The following SARS2 variants were observed in gnomAD, a reference collection of about 807,000 sequenced individuals.
SARS2 encodes serine--tRNA ligase, mitochondrial.
A neutral mutation model predicts 66.8 loss-of-function variants in SARS2; 52 were observed. That is an observed-to-expected ratio of 0.78 (90% CI 0.62 to 0.98). SARS2 has a LOEUF of 0.98. Ranked by LOEUF, SARS2 falls within the 50% of genes least tolerant of loss-of-function variation. SARS2 has a pLI of 0.00. For synonymous variants in SARS2, 306 were observed against 281.4 expected, an observed-to-expected ratio of 1.09 and a Z score of -0.87; for missense variants, 673 against 706.3, an observed-to-expected ratio of 0.95 and a Z score of 0.53.
intron 1 of SARS2, chr19:38,929,999 C>T (rs1369717934): frequency 6.3e-6 from 1 of 158,986 alleles, no homozygotes; most frequent in African/African-American, 2.4e-5. Context: ...TTCATTCATT[C>T]ATTCATTAAC....
intron 2 of SARS2, among the ~76,000 whole-genome samples, chr19:38,924,131 CA>C (rs56799985): frequency 4.5e-4 from 64 of 142,140 alleles, no homozygotes; most frequent in Admixed American, 4.9e-4. Context: ...GACTCTGTCT[CA>C]AAAAAAAAAA....
Position 38,919,841 on chromosome 19 carries a change from C to T in SARS2, c.680G>A (p.Arg227Gln), listed in dbSNP as rs142751543. 43 of 1,614,096 alleles carry T rather than the reference C, an allele frequency of 2.7e-5. No individual in the cohort carries two copies. The highest frequency in any genetic ancestry group is 2.5e-4 in the African/African-American group (19 of 75,028). ...QKRLSHVSGH[R>Q]SYYLRGAGAL... ...TCCAGCCCCGCGCAGGTAATAGGAC[C>T]GGTGGCCAGACACGTGGGACAGGCG... Residue 227 changes from arginine (R) to glutamine (Q), a missense_variant, in exon 7 of 16, where the codon CGG (arginine) becomes CAG (glutamine). Coordinates refer to ENST00000221431, the MANE Select transcript of SARS2 (RefSeq NM_017827.4).
intron 1 of SARS2, 68 bp downstream of exon 1, chr19:38,930,402 C>A (rs919954462): frequency 2.6e-6 from 4 of 1,521,330 alleles, no homozygotes; most frequent in African/African-American, 1.4e-5. Flanking sequence ...TGCCGGAGGG[C>A]ATCTTGCAAA....
intron 1 of SARS2, among the ~76,000 whole-genome samples, chr19:38,929,306 G>T (rs533345953): frequency 6.6e-6 from 1 of 152,228 alleles, no homozygotes; most frequent in East Asian, 1.9e-4. Flanking sequence ...TGTAATCTCA[G>T]CATTTTGGGA....
In SARS2 at chr19:38,921,695, C is replaced by T. The variant is rs201743350; in HGVS notation, c.394-28G>A. On this transcript the variant is annotated intron_variant, in intron 3 of 15. Transcript: ENST00000221431. The stretch of plus-strand genomic sequence containing the variant: ...GGGGGCAGCACAGGTGGGCTCAGCC[C>T]GGGAGAGGGTCAGGACTCCCTCATC... 5.3e-5 allele frequency: 86 copies of T among 1,613,174 alleles called. No individual in the cohort carries two copies. The East Asian group carries it at 8.5e-4, about 16-fold the overall frequency.
intron 1 of SARS2, among the ~76,000 whole-genome samples, chr19:38,928,509 A>C (rs188452005): frequency 6.7e-5 from 10 of 149,250 alleles, no homozygotes; most frequent in Admixed American, 6.7e-4. Context: ...ACGTGGTAAG[A>C]GCAATAATTG....
intron 8 of SARS2, 21 bp from the exon 9 acceptor site, chr19:38,918,551 A>T (rs747905312): frequency 1.3e-4 from 202 of 1,581,574 alleles, no homozygotes; most frequent in Non-Finnish European, 1.7e-4. Context: ...AGGCCAGGCC[A>T]CAGGGATCAG....
rs17854237 is a variant in SARS2 at position 38,916,040 on chromosome 19, G to T, written c.1344C>A (p.His448Gln). The T allele has an allele frequency of 1.1e-5, 18 of 1,613,446 alleles. No individual in the cohort carries two copies. The Admixed American group carries it at 2.0e-4, about 18-fold the overall frequency. ...CAGGAGGCTGTGCGGGCCTCACCGT[G>T]TGGGCAAACTGCAGCTCCCCAGCCT... The part of the protein sequence containing the change: ...QTEAGELQFA[H>Q]TVNATACAVP... Residue 448 changes from histidine to glutamine, a missense_variant, in exon 14 of 16, where the codon CAC (histidine) becomes CAA (glutamine). His to Gln is a conservative substitution (Grantham distance 24). Transcript: ENST00000221431.
rs1974402570 is a variant in SARS2 at position 38,915,838 on chromosome 19, C to A, written c.1413+3G>T. On this transcript the variant is annotated splice_donor_region_variant and intron_variant, in intron 15 of 15. Transcript: ENST00000221431. Reference sequence around the variant, plus strand: ...TCTCTGGGTGGGCCCCTCAGCCCCTCACCTTCTGCTGGTTACTCTCCAGGA... The same window carrying A: ...TCTCTGGGTGGGCCCCTCAGCCCCTAACCTTCTGCTGGTTACTCTCCAGGA... 6.2e-7 allele frequency: 1 copy of A among 1,613,576 alleles called. No homozygotes were observed.
At chr19:38,919,954 T>A (rs1312189610) in intron 6 of SARS2, 87 bp from the exon 7 acceptor site, 3 of 1,399,928 alleles carry the variant, frequency 2.1e-6, no homozygotes, top group Non-Finnish European at 3.0e-6. Flanking sequence ...GAGGCCCGGC[T>A]GCTGGGTGGG....
In SARS2 at chr19:38,921,977, G is replaced by C. The variant is rs1051179266; in HGVS notation, c.393+261C>G. 1.4e-5 allele frequency: 21 copies of C among 1,551,454 alleles called. No homozygotes were observed. In the Middle Eastern group the frequency reaches 6.7e-4, roughly 49 times the overall value. On this transcript the variant is annotated intron_variant, in intron 3 of 15. Transcript: ENST00000221431. ...CTTTAACTGGAACTATCAGGAAAGC[G>C]TGCTTGACTTTGCCTCCTACTTACA...
intron 7 of SARS2, 106 bp downstream of exon 7, chr19:38,919,656 G>A (rs554501687): frequency 5.9e-6 from 5 of 853,740 alleles, no homozygotes; most frequent in African/African-American, 5.0e-5. Context: ...GAAGCTCTGA[G>A]AGCAGTGACT....
At position 38,930,213 on chromosome 19, in the gene SARS2, G is replaced by A. The variant is rs573408509; in HGVS notation, c.267+257C>T. The A allele has an allele frequency of 2.6e-3, 1,355 of 526,492 alleles. 5 individuals are homozygous for A. Among genetic ancestry groups the A allele is most frequent in the Non-Finnish European group, 3.7e-3 (1,103 of 296,108 alleles). 32.6% of individuals were successfully genotyped at this position (526,492 alleles called of 1,614,324 possible). A position where few individuals can be genotyped will look rare whatever the true frequency, so the allele number is the denominator to read the frequency against. On this transcript the variant is annotated intron_variant, in intron 1 of 15. Coordinates refer to ENST00000221431, the MANE Select transcript of SARS2 (RefSeq NM_017827.4). ...CACATAGCAAGTTCCTAAAGGACAG[G>A]AGGTACCCAGCGAGCAGTATGAAAC...
At chr19:38,923,552 G>C (rs1719463795) in intron 2 of SARS2, among the ~76,000 whole-genome samples, 1 of 151,854 alleles carries the variant, frequency 6.6e-6, no homozygotes, top group Non-Finnish European at 1.5e-5. Context: ...TGTGAAAATG[G>C]GGCCAGGCGT....
intron 2 of SARS2, among the ~76,000 whole-genome samples, chr19:38,925,354 C>T (rs920057113): frequency 6.6e-6 from 1 of 152,102 alleles, no homozygotes; most frequent in Admixed American, 6.6e-5. Context: ...TTCCTCCTTC[C>T]CCACAGAACT....
Position 38,915,617 on chromosome 19 carries a change from C to T in SARS2, c.1546G>A (p.Ala516Thr), listed in dbSNP as rs780741245. ...PRKPGLPGQP[A>T]VS Reference sequence around the variant, plus strand: ...CTGTGGGTGGGTTCTTAGCTTACAGCAGGCTGGCCAGGCAGCCCAGGCTTC... The same window carrying T: ...CTGTGGGTGGGTTCTTAGCTTACAGTAGGCTGGCCAGGCAGCCCAGGCTTC... The change falls in exon 16 of 16, where the codon GCT (alanine) becomes ACT (threonine). Residue 516 changes from alanine to threonine, a missense_variant. Transcript: ENST00000221431. The T allele has an allele frequency of 2.7e-5, 43 of 1,612,328 alleles. No individual in the cohort carries two copies. Among genetic ancestry groups the T allele is most frequent in the Non-Finnish European group, 3.3e-5 (39 of 1,179,792 alleles).
Position 38,930,570 on chromosome 19 carries a change from G to C in SARS2, c.167C>G (p.Pro56Arg). The part of the protein sequence containing the change: ...EYAREGYSAL[P>R]QLDIERFCAC... ...GCAGAACCGCTCTATGTCCAGCTGAGGGAGTGCGCTGTAGCCCTCGCGCGC... is the reference window on the plus strand; with the variant it reads ...GCAGAACCGCTCTATGTCCAGCTGACGGAGTGCGCTGTAGCCCTCGCGCGC... Residue 56 changes from proline (P) to arginine (R), a missense_variant, in exon 1 of 16, where the codon CCT becomes CGT. Transcript: ENST00000221431. The C allele has an allele frequency of 6.2e-7, 1 of 1,613,998 alleles. No individual in the cohort carries two copies. Among genetic ancestry groups the C allele is most frequent in the Non-Finnish European group, 8.5e-7 (1 of 1,180,016 alleles).
chr19:38,921,384 T>C lies in SARS2; in HGVS notation c.589+8A>G. On this transcript the variant is annotated splice_region_variant and intron_variant, in intron 5 of 15. Transcript: ENST00000221431. ...CTTGTCAGCTCCCAGGCCTGGGGTG[T>C]GGCCCACCTGGCTTGTCTCCGACCA... is the stretch of plus-strand genomic sequence containing the variant. 6.2e-7 allele frequency: 1 copy of C among 1,612,910 alleles called. No homozygotes were observed. Among genetic ancestry groups the C allele is most frequent in the Non-Finnish European group, 8.5e-7 (1 of 1,179,912 alleles).
rs1314854475 is a variant in SARS2, at chr19:38,918,410, A to G, written c.916+12T>C. Reference sequence around the variant, plus strand: ...ACTCCTGCTCCTCCCCACCACCCACACAGGTCCTCACCTGCAAGCCCCACC... The same window carrying G: ...ACTCCTGCTCCTCCCCACCACCCACGCAGGTCCTCACCTGCAAGCCCCACC... On this transcript the variant is annotated intron_variant, in intron 9 of 15. Transcript: ENST00000221431. 2 of 1,606,872 alleles carry G rather than the reference A, an allele frequency of 1.2e-6. No individual in the cohort carries two copies. The highest frequency in any genetic ancestry group is 1.7e-6 in the Non-Finnish European group (2 of 1,173,482).
Sources: gnomAD v4.1 joint callset for allele counts (sites outside exome capture counted in the v4.1 genomes callset) on GRCh38, gnomAD v4.1.1 for gene constraint, MANE v1.5 for transcripts, NCBI Gene and HGNC (gene_info 2026-07-23, HGNC 2026-07-21) for gene names.